The following RIN2 variants were observed in gnomAD, a reference collection of about 807,000 sequenced individuals.
RIN2 encodes RAB5 interacting protein 2.
RIN2 carries 36 observed loss-of-function variants against 78.0 expected under a neutral mutation model. The ratio of observed to expected loss-of-function variants is 0.46; its 90% CI spans 0.35 to 0.61. RIN2 has a LOEUF of 0.61. Among genes scored for constraint, RIN2 ranks in the 20% least tolerant of loss-of-function variants. RIN2 has a pLI of 0.00. For synonymous variants in RIN2, 466 were observed against 466.8 expected (o/e 1.00, Z 0.02); for missense variants, 1,087 against 1,159.7 (o/e 0.94, Z 0.91).
At chr20:19,871,739 C>A (rs2037695698) in intron 2 of RIN2, among the ~76,000 whole-genome samples, 1 of 152,140 alleles carries the variant, frequency 6.6e-6, no homozygotes, top group South Asian at 2.1e-4. Context: ...GAGGTAGAAC[C>A]AATGTACGCA....
chr20:19,906,356 G>A (rs1054625564), intron 3 of RIN2, among the ~76,000 whole-genome samples: 1 of 152,174 alleles, frequency 6.6e-6, no homozygotes, highest in African/African-American at 2.4e-5. Context: ...GGCTGAGATG[G>A]GAGGATTGCT....
At chr20:19,988,276 G>A (rs545880141) in intron 9 of RIN2, among the ~76,000 whole-genome samples, 120 of 152,166 alleles carry the variant, frequency 7.9e-4, no homozygotes, top group African/African-American at 2.7e-3. Context: ...GCGCCACAAC[G>A]CCAAGCTAAT....
intron 3 of RIN2, among the ~76,000 whole-genome samples, chr20:19,917,124 G>T (rs1370771260): frequency 6.6e-6 from 1 of 151,398 alleles, no homozygotes. Context: ...AAAAAAAAAG[G>T]CAGGCGGAGT....
At chr20:19,784,197 G>T (rs2034599231) in intron 1 of RIN2, among the ~76,000 whole-genome samples, 1 of 152,176 alleles carries the variant, frequency 6.6e-6, no homozygotes, top group Non-Finnish European at 1.5e-5. Flanking sequence ...TGCTATCAAG[G>T]GTGCTGTGCC....
Position 19,760,401 on chromosome 20 carries a change from A to G in RIN2, c.-163+2074A>G, listed in dbSNP as rs975490556. ...AGAGGAGGAAACTGAAATAGCCCAC[A>G]CTTGACCTCTAGTGTAGGGCAGGTG... On this transcript the variant is annotated intron_variant, in intron 1 of 12. Coordinates refer to ENST00000255006, the MANE Select transcript of RIN2 (RefSeq NM_018993.4). Among the ~76,000 whole-genome samples the G allele has an allele frequency of 8.5e-5, 13 of 152,244 alleles. 1 individual carries two copies. In the East Asian group the frequency reaches 1.7e-3, roughly 20 times the overall value.
intron 2 of RIN2, among the ~76,000 whole-genome samples, chr20:19,800,315 G>A (rs565614893): frequency 1.7e-4 from 26 of 152,094 alleles, no homozygotes; most frequent in Non-Finnish European, 3.7e-4. Context: ...AGGCCACTAT[G>A]GCAGATCATA....
intron 1 of RIN2, among the ~76,000 whole-genome samples, chr20:19,790,173 T>C (rs1279245839): frequency 1.3e-5 from 2 of 152,194 alleles, no homozygotes; most frequent in Non-Finnish European, 1.5e-5. Flanking sequence ...TCTCTAGTAA[T>C]TCTTCAACTG....
intron 3 of RIN2, among the ~76,000 whole-genome samples, chr20:19,932,288 T>TA (rs2040471635): frequency 6.6e-6 from 1 of 152,184 alleles, no homozygotes; most frequent in South Asian, 2.1e-4. Flanking sequence ...GGATGACTCT[T>TA]ACCAGATGCC....
chr20:19,990,341 C>T (rs1433325247), intron 10 of RIN2, 30 bp downstream of exon 10: 2 of 1,582,684 alleles, frequency 1.3e-6, no homozygotes, highest in African/African-American at 2.7e-5. Flanking sequence ...AGGCTTCGTG[C>T]CGCTTCCCTT....
chr20:19,940,575 C>A (rs897316741), intron 4 of RIN2, among the ~76,000 whole-genome samples: 1 of 152,170 alleles, frequency 6.6e-6, no homozygotes, highest in Non-Finnish European at 1.5e-5. Flanking sequence ...AATGGAAGCC[C>A]GTAAGCCAGG....
At chr20:19,843,146 G>T (rs6081766) in intron 2 of RIN2, among the ~76,000 whole-genome samples, 1 of 151,986 alleles carries the variant, frequency 6.6e-6, no homozygotes, top group African/African-American at 2.4e-5. Context: ...AAAGAAAATC[G>T]TTTATTGAGA....
At chr20:19,785,154 A>G (rs189303726) in intron 1 of RIN2, among the ~76,000 whole-genome samples, 72 of 152,258 alleles carry the variant, frequency 4.7e-4, no homozygotes, top group African/African-American at 1.4e-3. Context: ...CGATCCAGTA[A>G]AGAAAATAGA....
At chr20:19,885,026 C>T (rs1050676777) in intron 2 of RIN2, among the ~76,000 whole-genome samples, 6 of 152,144 alleles carry the variant, frequency 3.9e-5, no homozygotes, top group African/African-American at 1.4e-4. Context: ...CCTCATTTAA[C>T]GGCTAGAAAG....
chr20:19,956,166 G>T (rs1232427393), intron 4 of RIN2, among the ~76,000 whole-genome samples: 1 of 146,190 alleles, frequency 6.8e-6, no homozygotes, highest in African/African-American at 2.5e-5. Context: ...ACTGAGGCAG[G>T]AGAATCACTT....
At chr20:19,808,929 A>G (rs1198082909) in intron 2 of RIN2, among the ~76,000 whole-genome samples, 1 of 152,216 alleles carries the variant, frequency 6.6e-6, no homozygotes, top group Non-Finnish European at 1.5e-5. Context: ...GATGCGGTCC[A>G]GGGCGTGGTC....
intron 7 of RIN2, among the ~76,000 whole-genome samples, chr20:19,968,268 C>G (rs2041999569): frequency 6.6e-6 from 1 of 152,206 alleles, no homozygotes; most frequent in Non-Finnish European, 1.5e-5. Context: ...TCTTTGTCCC[C>G]TCCCCTTTAG....
At chr20:19,782,555 T>TTA (rs943798248) in intron 1 of RIN2, among the ~76,000 whole-genome samples, 4 of 134,928 alleles carry the variant, frequency 3.0e-5, no homozygotes, top group African/African-American at 1.1e-4. Context: ...GACTCTGTCT[T>TTA]AAAAAAAAAA....
At chr20:19,931,310 T>A (rs901930341) in intron 3 of RIN2, among the ~76,000 whole-genome samples, 1 of 150,642 alleles carries the variant, frequency 6.6e-6, no homozygotes, top group Admixed American at 6.6e-5. Flanking sequence ...ATTTTATTTT[T>A]AAAAAAACTT....
rs1259959239 is a variant in RIN2 at position 19,766,782 on chromosome 20, G to A, written c.-163+8455G>A. Among the ~76,000 whole-genome samples the A allele has an allele frequency of 8.5e-5, 13 of 152,098 alleles. No homozygotes were observed. In the South Asian group the frequency reaches 1.9e-3, roughly 22 times the overall value. On this transcript the variant is annotated intron_variant, in intron 1 of 12. Coordinates refer to ENST00000255006, the MANE Select transcript of RIN2 (RefSeq NM_018993.4). Reference sequence around the variant, plus strand: ...CTACAAATGCAAAAATTAGCTGGGCGTTGTGGCACGCACCTGCTACTCGGG... The same window carrying A: ...CTACAAATGCAAAAATTAGCTGGGCATTGTGGCACGCACCTGCTACTCGGG...
Sources: allele counts gnomAD v4.1 joint callset (sites outside exome capture counted in the v4.1 genomes callset), GRCh38; gene constraint gnomAD v4.1.1; transcripts MANE v1.5; gene names NCBI Gene and HGNC (gene_info 2026-07-23, HGNC 2026-07-21).